Variants in DNAH9 observed in about 807,000 individuals in gnomAD.
DNAH9 encodes the protein dynein axonemal heavy chain 9.
A neutral mutation model predicts 471.6 loss-of-function variants in DNAH9; 345 were observed. The ratio of observed to expected loss-of-function variants is 0.73; its 90% CI spans 0.67 to 0.80. DNAH9 has a LOEUF of 0.80. Ranked by LOEUF, DNAH9 falls within the 30% of genes least tolerant of loss-of-function variation. The pLI, the probability that DNAH9 is intolerant of heterozygous loss-of-function variation, is 0.00. For synonymous variants in DNAH9, 2,093 were observed against 2,123.6 expected, an observed-to-expected ratio of 0.99 and a Z score of 0.40; for missense variants, 5,407 against 5,609.2, an observed-to-expected ratio of 0.96 and a Z score of 1.15.
chr17:11,882,292 T>A (rs368918212), intron 55 of DNAH9, among the ~76,000 whole-genome samples: 9 of 152,326 alleles, frequency 5.9e-5, no homozygotes, highest in East Asian at 1.9e-4. Context: ...CCTGATGACC[T>A]CATTTAACCT....
chr17:11,614,809 T>G (rs1306379765), intron 4 of DNAH9, among the ~76,000 whole-genome samples: 2 of 152,178 alleles, frequency 1.3e-5, no homozygotes, highest in African/African-American at 4.8e-5. Context: ...ATGTGAAGCC[T>G]CTTTGATGAG....
chr17:11,691,139 G>GTT (rs974430472), intron 20 of DNAH9, among the ~76,000 whole-genome samples: 7 of 152,104 alleles, frequency 4.6e-5, no homozygotes, highest in African/African-American at 1.7e-4. Context: ...CCAGGCTTTG[G>GTT]TTAGAAATTA....
chr17:11,814,680 CTCTAAACCAAACTGT>C (rs1049213356), intron 45 of DNAH9, among the ~76,000 whole-genome samples: 3 of 152,176 alleles, frequency 2.0e-5, no homozygotes, highest in African/African-American at 7.2e-5. Context: ...TCTTCTTTAT[CTCTAAACCAAACTGT>C]TCTTTTTATA....
chr17:11,663,338 C>T (rs2073809591), intron 14 of DNAH9, among the ~76,000 whole-genome samples: 3 of 152,210 alleles, frequency 2.0e-5, no homozygotes, highest in Admixed American at 2.0e-4. Context: ...CACCAAACTC[C>T]AAATTCTGTC....
chr17:11,721,909 A>G (rs544444930), intron 27 of DNAH9, among the ~76,000 whole-genome samples: 4 of 152,286 alleles, frequency 2.6e-5, no homozygotes, highest in African/African-American at 9.6e-5. Context: ...GTGATACCCA[A>G]CCAAGGCTCA....
intron 50 of DNAH9, among the ~76,000 whole-genome samples, chr17:11,868,099 T>A (rs1264710901): frequency 6.6e-6 from 1 of 152,204 alleles, no homozygotes; most frequent in African/African-American, 2.4e-5. Context: ...TCTGTTGGAC[T>A]CCCTCACCCT....
chr17:11,661,227 A>T (rs1251782719), intron 14 of DNAH9, among the ~76,000 whole-genome samples: 1 of 151,630 alleles, frequency 6.6e-6, no homozygotes, highest in Non-Finnish European at 1.5e-5. Context: ...TTCTGATAAT[A>T]ATATAGCCTT....
intron 19 of DNAH9, among the ~76,000 whole-genome samples, chr17:11,687,207 C>A (rs886301586): frequency 6.6e-6 from 1 of 152,112 alleles, no homozygotes; most frequent in Admixed American, 6.6e-5. Context: ...ATAGAGAAGG[C>A]ATGCAAATGA....
chr17:11,719,183 C>A (rs2075012817), intron 26 of DNAH9, 151 bp from the exon 27 acceptor site: 2 of 673,114 alleles, frequency 3.0e-6, no homozygotes, highest in Non-Finnish European at 2.4e-6. Flanking sequence ...GCTAAAGAGT[C>A]CTCCCCACAG....
intron 20 of DNAH9, among the ~76,000 whole-genome samples, chr17:11,690,782 A>T (rs2074321986): frequency 6.6e-6 from 1 of 152,164 alleles, no homozygotes; most frequent in South Asian, 2.1e-4. Context: ...GGATCGTTAA[A>T]ATTCAAGTGT....
chr17:11,657,342 A>G (rs182009984), intron 14 of DNAH9, among the ~76,000 whole-genome samples: 96 of 152,172 alleles, frequency 6.3e-4, no homozygotes, highest in Middle Eastern at 6.8e-3. Context: ...ATTTTTTCAT[A>G]TGCTGATTGG....
intron 49 of DNAH9, among the ~76,000 whole-genome samples, chr17:11,846,192 A>G (rs1170147182): frequency 2.8e-5 from 4 of 141,452 alleles, no homozygotes; most frequent in Non-Finnish European, 1.5e-5. Context: ...AGGTGTAAGG[A>G]AGGGATCCAG....
rs200875814 is a variant in DNAH9, at chr17:11,757,564, G to A, written c.6867G>A (p.Pro2289=). 5.5e-5 allele frequency: 88 copies of A among 1,613,568 alleles called. No homozygotes were observed. Among genetic ancestry groups the A allele is most frequent in the East Asian group, 4.7e-4 (21 of 44,872 alleles). ...VSRAGILYIN[P]ADLGWNPPVS... ...TCACAGGGATCTTGTACATCAACCC[G>A]GCAGACTTGGGATGGAACCCTCCAG... is the stretch of plus-strand genomic sequence containing the variant. Residue 2289 remains proline, a synonymous_variant, in exon 35 of 69, where the codon CCG becomes CCA. Coordinates refer to ENST00000262442, the MANE Select transcript of DNAH9 (RefSeq NM_001372.4).
In DNAH9 at chr17:11,903,809, G is replaced by A. The variant is rs890762344; in HGVS notation, c.11600+897G>A. Among the ~76,000 whole-genome samples the A allele has an allele frequency of 3.9e-5, 6 of 152,126 alleles. No homozygotes were observed. The South Asian group carries it at 8.3e-4, about 21-fold the overall frequency. ...TCCTGTAGTCCCAGCTACTTAGGAG[G>A]CTGAGACAGGAGAATGGCTTGAACC... On this transcript the variant is annotated intron_variant, in intron 60 of 68. Transcript: ENST00000262442.
chr17:11,808,787 C>G (rs1323205223), intron 44 of DNAH9, among the ~76,000 whole-genome samples: 1 of 152,070 alleles, frequency 6.6e-6, no homozygotes, highest in Non-Finnish European at 1.5e-5. Flanking sequence ...TGCCTGTGTC[C>G]CACTCCCCAG....
chr17:11,783,532 C>CT (rs879919153), intron 39 of DNAH9, 114 bp from the exon 40 acceptor site: 4 of 695,310 alleles, frequency 5.8e-6, no homozygotes, highest in African/African-American at 3.6e-5. Context: ...TGGATCTAGA[C>CT]TTTTTTATCA....
chr17:11,939,168 G>C (rs1567563975), intron 66 of DNAH9, among the ~76,000 whole-genome samples: 1 of 152,112 alleles, frequency 6.6e-6, no homozygotes, highest in South Asian at 2.1e-4. Flanking sequence ...TTGATGAGGT[G>C]AGCATACTTC....
intron 59 of DNAH9, among the ~76,000 whole-genome samples, chr17:11,896,758 T>G (rs557529219): frequency 6.6e-6 from 1 of 152,342 alleles, no homozygotes; most frequent in South Asian, 2.1e-4. Context: ...CTTAAGTAAT[T>G]TTAAATTTTC....
chr17:11,911,042 T>C (rs1191163424), intron 61 of DNAH9, among the ~76,000 whole-genome samples: 1 of 152,228 alleles, frequency 6.6e-6, no homozygotes, highest in Non-Finnish European at 1.5e-5. Context: ...ATTTTTATGT[T>C]AAAATACAAT....
Sources: allele counts gnomAD v4.1 joint callset (sites outside exome capture counted in the v4.1 genomes callset), GRCh38; gene constraint gnomAD v4.1.1; transcripts MANE v1.5; gene names NCBI Gene and HGNC (gene_info 2026-07-23, HGNC 2026-07-21).